Variants in RALYL observed in about 807,000 individuals in gnomAD.
RALYL encodes RALY RNA binding protein like.
In RALYL, 29 loss-of-function variants were observed where a neutral mutation model predicts 35.1. That is an observed-to-expected ratio of 0.83 (90% CI 0.61 to 1.13). The LOEUF is 1.13. Ranked by LOEUF, RALYL falls within the 50% of genes most tolerant of loss-of-function variation. The pLI, the probability that RALYL is intolerant of heterozygous loss-of-function variation, is 0.00. For synonymous variants in RALYL, 120 were observed against 127.6 expected, an observed-to-expected ratio of 0.94 and a Z score of 0.40; for missense variants, 359 against 360.4, an observed-to-expected ratio of 1.00 and a Z score of 0.03.
At chr8:84,297,862 T>C (rs1046549485) in intron 1 of RALYL, among the ~76,000 whole-genome samples, 1 of 152,134 alleles carries the variant, frequency 6.6e-6, no homozygotes, top group Non-Finnish European at 1.5e-5. Context: ...GAAGTGACTG[T>C]TTATGCACTC....
At position 84,901,664 on chromosome 8, in the gene RALYL, T is replaced by C. The variant is rs78469951; in HGVS notation, c.858+13888T>C. On this transcript the variant is annotated intron_variant, in intron 8 of 8. Transcript: ENST00000521268. ...TGGGATGAAAGACTGGCATACTAAGTAAATATATCAGAGGATGTTTTACCC... is the reference window on the plus strand; with the variant it reads ...TGGGATGAAAGACTGGCATACTAAGCAAATATATCAGAGGATGTTTTACCC... 1.8e-3 allele frequency among the ~76,000 whole-genome samples: 271 copies of C among 152,176 alleles called. 1 individual carries two copies. Among genetic ancestry groups the C allele is most frequent in the Non-Finnish European group, 3.5e-3 (235 of 68,004 alleles).
intron 4 of RALYL, among the ~76,000 whole-genome samples, chr8:84,813,256 A>G (rs1259213515): frequency 6.6e-6 from 1 of 152,116 alleles, no homozygotes; most frequent in Non-Finnish European, 1.5e-5. Context: ...TGGGGCACTC[A>G]GTATTTGGGA....
intron 1 of RALYL, among the ~76,000 whole-genome samples, chr8:84,495,532 A>T (rs1412690294): frequency 1.3e-5 from 2 of 152,142 alleles, no homozygotes; most frequent in Non-Finnish European, 2.9e-5. Flanking sequence ...TTGAAATTAA[A>T]AAATGTGCAG....
intron 1 of RALYL, among the ~76,000 whole-genome samples, chr8:84,478,383 T>C (rs986835206): frequency 6.6e-6 from 1 of 152,170 alleles, no homozygotes; most frequent in Non-Finnish European, 1.5e-5. Flanking sequence ...TAATGTGCTC[T>C]GACAGAAGGC....
chr8:84,662,053 G>T (rs1399707599), intron 2 of RALYL, among the ~76,000 whole-genome samples: 2 of 151,772 alleles, frequency 1.3e-5, no homozygotes, highest in Non-Finnish European at 2.9e-5. Context: ...GAAAAATAAA[G>T]TCAATACATA....
chr8:84,835,301 GA>G (rs1234722070), intron 4 of RALYL, among the ~76,000 whole-genome samples: 2 of 152,090 alleles, frequency 1.3e-5, no homozygotes, highest in African/African-American at 4.8e-5. Flanking sequence ...GAATAGCACA[GA>G]AAGTGGAATT....
chr8:84,299,489 G>A (rs1230152100), intron 1 of RALYL, among the ~76,000 whole-genome samples: 1 of 151,956 alleles, frequency 6.6e-6, no homozygotes, highest in African/African-American at 2.4e-5. Flanking sequence ...CATAGAATGA[G>A]TTAAGGAGGA....
intron 2 of RALYL, among the ~76,000 whole-genome samples, chr8:84,715,714 A>G (rs1269228217): frequency 6.6e-6 from 1 of 152,038 alleles, no homozygotes; most frequent in African/African-American, 2.4e-5. Context: ...ACACTTCTTG[A>G]TCTAGAACAG....
At chr8:84,602,745 T>C (rs1816247494) in intron 2 of RALYL, among the ~76,000 whole-genome samples, 1 of 152,182 alleles carries the variant, frequency 6.6e-6, no homozygotes, top group Non-Finnish European at 1.5e-5. Flanking sequence ...CCAGGCTAAC[T>C]AACTGCTGGG....
rs182692211 is a variant in RALYL, at chr8:84,417,364, G to C, written c.-23-111935G>C. 1.5e-3 allele frequency among the ~76,000 whole-genome samples: 228 copies of C among 152,236 alleles called. 2 individuals carry two copies. Among genetic ancestry groups the C allele is most frequent in the African/African-American group, 4.5e-3 (185 of 41,560 alleles). ...CTCCTTGGAGGACAGAAATTAGAAAGTCTGAATCAGAATCCTCAGTATTTG... is the reference window on the plus strand; with the variant it reads ...CTCCTTGGAGGACAGAAATTAGAAACTCTGAATCAGAATCCTCAGTATTTG... On this transcript the variant is annotated intron_variant, in intron 1 of 8. Coordinates refer to ENST00000521268, the MANE Select transcript of RALYL (RefSeq NM_173848.7).
At chr8:84,429,415 T>A (rs914634540) in intron 1 of RALYL, among the ~76,000 whole-genome samples, 1 of 152,184 alleles carries the variant, frequency 6.6e-6, no homozygotes, top group Non-Finnish European at 1.5e-5. Flanking sequence ...CTTTGTTGAA[T>A]GAAGTCCCAA....
intron 1 of RALYL, among the ~76,000 whole-genome samples, chr8:84,472,516 T>A (rs530915944): frequency 6.6e-6 from 1 of 152,292 alleles, no homozygotes; most frequent in Admixed American, 6.5e-5. Context: ...TACCTTAGTA[T>A]CTTTGTGTTT....
intron 1 of RALYL, among the ~76,000 whole-genome samples, chr8:84,347,721 C>T (rs1008535616): frequency 2.0e-5 from 3 of 152,026 alleles, no homozygotes; most frequent in African/African-American, 7.2e-5. Context: ...ACATTTTAGT[C>T]CTCTAATTAT....
intron 1 of RALYL, among the ~76,000 whole-genome samples, chr8:84,285,404 T>C (rs1837400832): frequency 6.6e-6 from 1 of 152,188 alleles, no homozygotes; most frequent in Admixed American, 6.5e-5. Flanking sequence ...TGATAATTGT[T>C]AGTAAGATAT....
At chr8:84,834,342 C>A (rs1831515489) in intron 4 of RALYL, among the ~76,000 whole-genome samples, 1 of 152,132 alleles carries the variant, frequency 6.6e-6, no homozygotes, top group East Asian at 1.9e-4. Flanking sequence ...TTGAAGAGAG[C>A]CTCTCTCCCC....
At chr8:84,909,192 A>G (rs1938502058) in intron 8 of RALYL, among the ~76,000 whole-genome samples, 4 of 152,200 alleles carry the variant, frequency 2.6e-5, no homozygotes, top group Admixed American at 2.6e-4. Flanking sequence ...TATGACACAC[A>G]CAATGAAAAG....
At chr8:84,870,912 T>A (rs1319897434) in intron 6 of RALYL, among the ~76,000 whole-genome samples, 3 of 152,124 alleles carry the variant, frequency 2.0e-5, no homozygotes, top group African/African-American at 7.2e-5. Context: ...TGAAGTGTGA[T>A]GAGGAAACGA....
At chr8:84,451,240 A>G (rs138423979) in intron 1 of RALYL, among the ~76,000 whole-genome samples, 18 of 152,114 alleles carry the variant, frequency 1.2e-4, no homozygotes, top group Non-Finnish European at 2.2e-4. Context: ...ATAAATATGT[A>G]ATTATCTAAA....
intron 5 of RALYL, among the ~76,000 whole-genome samples, chr8:84,861,975 T>G (rs983391587): frequency 2.0e-5 from 3 of 152,224 alleles, no homozygotes; most frequent in Admixed American, 2.0e-4. Context: ...AAGAAATATA[T>G]TTAGGAATGA....
Sources: gnomAD v4.1 joint callset for allele counts (sites outside exome capture counted in the v4.1 genomes callset) on GRCh38, gnomAD v4.1.1 for gene constraint, MANE v1.5 for transcripts, NCBI Gene and HGNC (gene_info 2026-07-23, HGNC 2026-07-21) for gene names.